AKAP19: variants seen among roughly 807,000 people sequenced by gnomAD.
AKAP19 encodes small A-kinase anchoring protein.
the AKAP19 span, among the ~76,000 whole-genome samples, chr2:189,889,766 G>T: frequency 6.0e-3 from 909 of 152,290 alleles, 6 homozygotes; most frequent in African/African-American, 0.02. Context: ...TGTGGGATCA[G>T]TGGTGAAATT....
At chr2:190,176,455 C>T in the AKAP19 span, among the ~76,000 whole-genome samples, 1 of 152,164 alleles carries the variant, frequency 6.6e-6, no homozygotes, top group Non-Finnish European at 1.5e-5. This position sits in a 1 kb window ranked among gnomAD's most constrained non-coding sequence, Gnocchi z 4.7. Context: ...TCAAGCGATT[C>T]TCCTGCCTCA....
At chr2:189,952,929 G>A in the AKAP19 span, among the ~76,000 whole-genome samples, 63 of 152,196 alleles carry the variant, frequency 4.1e-4, no homozygotes, top group Non-Finnish European at 9.0e-4. Context: ...AGACTGTAGT[G>A]ATGGAAAGGG....
At chr2:190,097,071 T>C in the AKAP19 span, among the ~76,000 whole-genome samples, 4 of 152,308 alleles carry the variant, frequency 2.6e-5, no homozygotes, top group South Asian at 8.3e-4. Flanking sequence ...AAAATTTTTT[T>C]TTCAAATTTT....
chr2:189,953,820 C>T, the AKAP19 span, among the ~76,000 whole-genome samples: 3 of 152,048 alleles, frequency 2.0e-5, no homozygotes, highest in African/African-American at 4.8e-5. Context: ...GCTGGTAGAA[C>T]CAAGATACAA....
the AKAP19 span, among the ~76,000 whole-genome samples, chr2:190,126,362 T>C: frequency 2.2e-5 from 3 of 136,030 alleles, no homozygotes; most frequent in African/African-American, 8.3e-5. Flanking sequence ...ACTATATAGG[T>C]ACAATTTTCT....
chr2:189,987,417 C>A, the AKAP19 span, among the ~76,000 whole-genome samples: 1 of 152,178 alleles, frequency 6.6e-6, no homozygotes. Context: ...AATATACCTA[C>A]TAAGGTTTTT....
the AKAP19 span, among the ~76,000 whole-genome samples, chr2:189,979,874 A>G: frequency 6.6e-6 from 1 of 152,238 alleles, no homozygotes; most frequent in African/African-American, 2.4e-5. Context: ...ATGAGATACC[A>G]TCTTCTACCA....
the AKAP19 span, chr2:189,879,860 T>A: frequency 1.3e-5 from 2 of 152,222 alleles, no homozygotes; most frequent in Non-Finnish European, 2.9e-5. Context: ...TACACCCAAG[T>A]ATGTTGCTTA....
the AKAP19 span, among the ~76,000 whole-genome samples, chr2:190,014,035 T>C: frequency 2.0e-5 from 3 of 152,226 alleles, no homozygotes; most frequent in South Asian, 2.1e-4. Context: ...TTTGAGATCG[T>C]CTTTTTTTAT....
the AKAP19 span, among the ~76,000 whole-genome samples, chr2:190,144,765 T>A: frequency 6.6e-6 from 1 of 151,702 alleles, no homozygotes; most frequent in African/African-American, 2.4e-5. Context: ...TCACCTGAGG[T>A]CAGGAGTTCG....
At chr2:190,079,900 A>AGG in the AKAP19 span, 1 of 150,324 alleles carries the variant, frequency 6.7e-6, no homozygotes, top group Non-Finnish European at 1.5e-5. Flanking sequence ...TGAGAGAGAG[A>AGG]GAGAGAGAGA....
chr2:190,190,162 A>G, the AKAP19 span, among the ~76,000 whole-genome samples: 3 of 152,238 alleles, frequency 2.0e-5, no homozygotes, highest in Admixed American at 6.5e-5. Context: ...TAACTAACAT[A>G]CCAATTAAGA....
the AKAP19 span, among the ~76,000 whole-genome samples, chr2:189,966,878 T>C: frequency 7.9e-5 from 12 of 152,186 alleles, no homozygotes; most frequent in Non-Finnish European, 1.6e-4. Flanking sequence ...GCCAAGAAGT[T>C]AAGAAAAACC....
the AKAP19 span, among the ~76,000 whole-genome samples, chr2:190,149,084 C>T: frequency 1.3e-5 from 2 of 151,724 alleles, no homozygotes; most frequent in East Asian, 1.9e-4. Flanking sequence ...CTGCCTCAGC[C>T]TCCTGAGTAG....
the AKAP19 span, among the ~76,000 whole-genome samples, chr2:190,000,325 G>A: frequency 6.6e-6 from 1 of 152,228 alleles, no homozygotes; most frequent in Non-Finnish European, 1.5e-5. Context: ...TACTAGAACA[G>A]ACAGAAAAGA....
At chr2:189,969,869 C>CTTTTTTTTTTTTTTT in the AKAP19 span, among the ~76,000 whole-genome samples, 8 of 109,942 alleles carry the variant, frequency 7.3e-5, no homozygotes, top group African/African-American at 2.2e-4. Context: ...TCTTCTTCTT[C>CTTTTTTTTTTTTTTT]TTTTTTTTTT....
At chr2:190,119,608 G>T in the AKAP19 span, among the ~76,000 whole-genome samples, 4 of 152,206 alleles carry the variant, frequency 2.6e-5, no homozygotes, top group African/African-American at 9.6e-5. Context: ...GCATATTAAA[G>T]GTTGCCAGCT....
At chr2:190,112,635 C>A in the AKAP19 span, among the ~76,000 whole-genome samples, 2 of 152,102 alleles carry the variant, frequency 1.3e-5, no homozygotes, top group Admixed American at 1.3e-4. Flanking sequence ...TCTTCTTCTA[C>A]ATCTGTTGAG....
At chr2:190,164,108 A>T in the AKAP19 span, 1 of 152,248 alleles carries the variant, frequency 6.6e-6, no homozygotes, top group African/African-American at 2.4e-5. Context: ...GAATCGGTTA[A>T]TTGGTGATTT....
Sources: allele counts gnomAD v4.1 joint callset (sites outside exome capture counted in the v4.1 genomes callset), GRCh38; gene constraint gnomAD v4.1.1; non-coding constraint Gnocchi (gnomAD v3.1); transcripts MANE v1.5; gene names NCBI Gene and HGNC (gene_info 2026-07-23, HGNC 2026-07-21).